Variants in DLC1 observed in about 807,000 individuals in gnomAD.
The protein encoded by DLC1 is rho GTPase-activating protein 7.
A neutral mutation model predicts 140.3 loss-of-function variants in DLC1; 54 were observed. The ratio of observed to expected loss-of-function variants is 0.38; its 90% CI spans 0.31 to 0.48. The LOEUF is 0.48. DLC1 is among the 20% of genes least tolerant of loss of function. The pLI is 0.96. For synonymous variants in DLC1, 986 were observed against 728.1 expected (o/e 1.35, Z -5.70); for missense variants, 2,536 against 1,907.0 (o/e 1.33, Z -6.14).
chr8:13,288,957 C>T (rs1247597429), intron 5 of DLC1, among the ~76,000 whole-genome samples: 1 of 152,118 alleles, frequency 6.6e-6, no homozygotes, highest in Non-Finnish European at 1.5e-5. Context: ...TTTTATATGG[C>T]AGTGATTTTT....
intron 5 of DLC1, among the ~76,000 whole-genome samples, chr8:13,190,406 T>C (rs527254419): frequency 6.6e-6 from 1 of 152,250 alleles, no homozygotes; most frequent in Admixed American, 6.5e-5. Flanking sequence ...TTTCCTCTCT[T>C]CTCTGGTGTC....
At chr8:13,472,222 T>C (rs1207599805) in intron 2 of DLC1, among the ~76,000 whole-genome samples, 1 of 152,168 alleles carries the variant, frequency 6.6e-6, no homozygotes, top group Non-Finnish European at 1.5e-5. Flanking sequence ...ATCCTTCCCC[T>C]TAGGAATCTG....
chr8:13,531,575 G>C (rs1208838352), intron 1 of DLC1, among the ~76,000 whole-genome samples: 2 of 151,688 alleles, frequency 1.3e-5, no homozygotes, highest in Non-Finnish European at 2.9e-5. Flanking sequence ...GACAGGGTGA[G>C]ACTGTCTAAA....
At chr8:13,458,301 C>T (rs1327422508) in intron 2 of DLC1, among the ~76,000 whole-genome samples, 4 of 152,168 alleles carry the variant, frequency 2.6e-5, no homozygotes, top group Admixed American at 6.5e-5. Flanking sequence ...TTGGAAGAAA[C>T]TTTAACCTTG....
chr8:13,183,642 A>G (rs1826169411), intron 5 of DLC1, among the ~76,000 whole-genome samples: 1 of 152,222 alleles, frequency 6.6e-6, no homozygotes, highest in African/African-American at 2.4e-5. Flanking sequence ...ATGTTGAACC[A>G]GCCTTGCATT....
At chr8:13,110,993 T>C (rs1820059225) in intron 6 of DLC1, among the ~76,000 whole-genome samples, 170 bp from the exon 7 acceptor site, 1 of 152,146 alleles carries the variant, frequency 6.6e-6, no homozygotes, top group Non-Finnish European at 1.5e-5. Flanking sequence ...TTGAAGCCAA[T>C]CGGGCATCAC....
At chr8:13,371,545 G>C (rs142592741) in intron 4 of DLC1, among the ~76,000 whole-genome samples, 1 of 151,372 alleles carries the variant, frequency 6.6e-6, no homozygotes, top group African/African-American at 2.4e-5. Context: ...TCAAACATGC[G>C]GTGGACTTTT....
At chr8:13,313,211 C>T (rs1409652831) in intron 4 of DLC1, among the ~76,000 whole-genome samples, 1 of 152,126 alleles carries the variant, frequency 6.6e-6, no homozygotes, top group Non-Finnish European at 1.5e-5. Flanking sequence ...GTGCTCTGAA[C>T]ACGAGGATGA....
intron 5 of DLC1, among the ~76,000 whole-genome samples, chr8:13,177,073 T>A (rs1490754668): frequency 6.6e-6 from 1 of 152,208 alleles, no homozygotes; most frequent in East Asian, 1.9e-4. Context: ...TATAACCAAG[T>A]GTTTACATTT....
intron 5 of DLC1, among the ~76,000 whole-genome samples, chr8:13,271,429 A>C (rs190326246): frequency 6.6e-6 from 1 of 152,326 alleles, no homozygotes; most frequent in East Asian, 1.9e-4. Flanking sequence ...CCAATGTACC[A>C]CAGAGTGTGT....
Position 13,157,288 on chromosome 8 carries a change from C to T in DLC1, c.1349-41631G>A, listed in dbSNP as rs536619415. 3.6e-4 allele frequency among the ~76,000 whole-genome samples: 54 copies of T among 152,104 alleles called. 1 individual carries two copies. In the South Asian group the frequency reaches 6.4e-3, roughly 18 times the overall value. On this transcript the variant is annotated intron_variant, in intron 5 of 17. Coordinates refer to ENST00000276297, the MANE Select transcript of DLC1 (RefSeq NM_182643.3). ...GACAGTAAAAAGAAAAAAAAGAATA[C>T]GTGCAATTTGAGTAGGCGGGGTTAG...
intron 14 of DLC1, among the ~76,000 whole-genome samples, chr8:13,091,077 G>C (rs1481711610): frequency 3.3e-5 from 5 of 152,112 alleles, no homozygotes; most frequent in African/African-American, 4.8e-5. Flanking sequence ...CAAAGTGTTA[G>C]AATTACAGGC....
At chr8:13,470,610 G>A (rs772230324) in intron 2 of DLC1, among the ~76,000 whole-genome samples, 1 of 152,186 alleles carries the variant, frequency 6.6e-6, no homozygotes, top group Non-Finnish European at 1.5e-5. Context: ...ATAAGTGTTG[G>A]TGAAAGCGTG....
chr8:13,576,867 C>G (rs1312463336), intron 1 of DLC1, among the ~76,000 whole-genome samples: 1 of 152,130 alleles, frequency 6.6e-6, no homozygotes, highest in Non-Finnish European at 1.5e-5. Context: ...CATATTGTGT[C>G]CCTTTGAAGG....
At chr8:13,175,518 C>G (rs1178337504) in intron 5 of DLC1, among the ~76,000 whole-genome samples, 1 of 152,052 alleles carries the variant, frequency 6.6e-6, no homozygotes, top group East Asian at 1.9e-4. Context: ...TGTCTGTGCT[C>G]TCATTTCTGT....
chr8:13,148,853 C>T (rs926947294), intron 5 of DLC1, among the ~76,000 whole-genome samples: 8 of 152,078 alleles, frequency 5.3e-5, no homozygotes, highest in Admixed American at 2.6e-4. Context: ...AGTGCAGTGG[C>T]GCGATCTTGG....
intron 4 of DLC1, among the ~76,000 whole-genome samples, chr8:13,337,449 A>T (rs975155764): frequency 6.6e-6 from 1 of 152,162 alleles, no homozygotes. Context: ...ATGACAACAT[A>T]TTCTAGGAAA....
At chr8:13,247,314 A>G (rs1189400267) in intron 5 of DLC1, among the ~76,000 whole-genome samples, 6 of 152,360 alleles carry the variant, frequency 3.9e-5, no homozygotes, top group Non-Finnish European at 1.5e-5. Flanking sequence ...TTGCAAAACT[A>G]GTACAGCCAA....
At chr8:13,134,655 AT>A (rs1184335295) in intron 5 of DLC1, among the ~76,000 whole-genome samples, 2 of 152,186 alleles carry the variant, frequency 1.3e-5, no homozygotes, top group African/African-American at 4.8e-5. Flanking sequence ...TCCCTCATAA[AT>A]TTTGATAAAA....
Sources: allele counts gnomAD v4.1 joint callset (sites outside exome capture counted in the v4.1 genomes callset), GRCh38; gene constraint gnomAD v4.1.1; transcripts MANE v1.5; gene names NCBI Gene and HGNC (gene_info 2026-07-23, HGNC 2026-07-21).